The following DNAJC13 variants were observed in gnomAD, a reference collection of about 807,000 sequenced individuals.
DNAJC13 encodes DnaJ heat shock protein family (Hsp40) member C13.
In DNAJC13, 75 loss-of-function variants were observed where a neutral mutation model predicts 290.5. The observed-to-expected ratio is 0.26, with a 90% CI of 0.21 to 0.31. The LOEUF (loss-of-function observed/expected upper bound fraction) is 0.31. Among genes scored for constraint, DNAJC13 ranks in the 10% least tolerant of loss-of-function variants. The pLI, the probability that DNAJC13 is intolerant of heterozygous loss-of-function variation, is 1.00. For synonymous variants in DNAJC13, 862 were observed against 892.0 expected (o/e 0.97, Z 0.60); for missense variants, 2,260 against 2,674.5 (o/e 0.85, Z 3.42).
At chr3:132,429,450 CA>C (rs2107644813) in intron 1 of DNAJC13, among the ~76,000 whole-genome samples, 1 of 152,102 alleles carries the variant, frequency 6.6e-6, no homozygotes, top group African/African-American at 2.4e-5. Flanking sequence ...GTTTTCTTGT[CA>C]ATAAAATGAG....
At position 132,466,328 on chromosome 3, in the gene DNAJC13, C is replaced by G; in HGVS notation, c.1998C>G (p.Ser666Arg). 1 of 1,596,710 alleles carries G rather than the reference C, an allele frequency of 6.3e-7. No individual in the cohort carries two copies. Among genetic ancestry groups the G allele is most frequent in the South Asian group, 1.1e-5 (1 of 87,156 alleles). Reference protein sequence around the residue: ...LPPGLLAYLESSDLVPEKDAD... With the variant: ...LPPGLLAYLERSDLVPEKDAD... ...CAGGCTTGCTGGCATACTTGGAAAG[C>G]TCAGATCTCGTACCTGAGAAGGATG... The change falls in exon 19 of 56, where the codon AGC (serine) becomes AGG (arginine). Residue 666 changes from serine to arginine, a missense_variant. Around this residue, in one of 3 missense-constraint regions of DNAJC13, gnomAD observed 762 missense variants for 964.1 expected, o/e 0.79. Coordinates refer to ENST00000260818, the MANE Select transcript of DNAJC13 (RefSeq NM_015268.4).
rs754276059 is a variant in DNAJC13, at chr3:132,453,589, T to C, written c.745-10T>C. 6.2e-7 allele frequency: 1 copy of C among 1,601,542 alleles called. No homozygotes were observed. The highest frequency in any genetic ancestry group is 1.4e-5 in the African/African-American group (1 of 69,266). On this transcript the variant is annotated splice_polypyrimidine_tract_variant and intron_variant, in intron 7 of 55. Transcript: ENST00000260818. ...AACTTCTTAATATGTCTCAATTTTA[T>C]TTTTTGAAGGAGCCTGTTAAAAGAG...
At chr3:132,455,346 G>A (rs533417547) in intron 9 of DNAJC13, among the ~76,000 whole-genome samples, 1 of 152,322 alleles carries the variant, frequency 6.6e-6, no homozygotes, top group Non-Finnish European at 1.5e-5. Context: ...AGTGGCAGGT[G>A]TTGGCGAGGA....
chr3:132,424,043 A>G (rs889623761), intron 1 of DNAJC13, among the ~76,000 whole-genome samples: 1 of 152,168 alleles, frequency 6.6e-6, no homozygotes, highest in African/African-American at 2.4e-5. Context: ...TGCATAAGCC[A>G]GGTTATGCTT....
intron 55 of DNAJC13, 75 bp downstream of exon 55, chr3:132,531,172 C>A: frequency 1.6e-6 from 2 of 1,289,210 alleles, no homozygotes; most frequent in Non-Finnish European, 2.2e-6. Flanking sequence ...CCTAAATAGA[C>A]TTAAAATTGT....
chr3:132,450,172 A>G (rs1933378202), intron 5 of DNAJC13, among the ~76,000 whole-genome samples: 1 of 151,956 alleles, frequency 6.6e-6, no homozygotes, highest in South Asian at 2.1e-4. Context: ...TTGTATGTGG[A>G]AATAAAATAT....
chr3:132,498,408 A>G (rs1426982851), intron 36 of DNAJC13, among the ~76,000 whole-genome samples: 1 of 152,110 alleles, frequency 6.6e-6, no homozygotes, highest in Non-Finnish European at 1.5e-5. Flanking sequence ...CATATAATTG[A>G]TATTAATAGA....
chr3:132,530,513 T>G (rs757368455), intron 54 of DNAJC13, among the ~76,000 whole-genome samples: 2 of 152,242 alleles, frequency 1.3e-5, no homozygotes, highest in African/African-American at 2.4e-5. Context: ...GCTTTCTATA[T>G]TGACCAATTT....
intron 2 of DNAJC13, among the ~76,000 whole-genome samples, chr3:132,446,229 A>G (rs1047144852): frequency 4.6e-5 from 7 of 152,042 alleles, no homozygotes; most frequent in Admixed American, 1.3e-4. Context: ...GATTGCTTGC[A>G]TATAAATCAT....
chr3:132,506,698 T>G (rs748898522), intron 42 of DNAJC13, among the ~76,000 whole-genome samples: 1 of 151,696 alleles, frequency 6.6e-6, no homozygotes, highest in Non-Finnish European at 1.5e-5. Flanking sequence ...ACTACAGGCA[T>G]GTATCACCAC....
intron 20 of DNAJC13, 151 bp from the exon 21 acceptor site, chr3:132,472,994 T>G: frequency 1.6e-6 from 1 of 616,322 alleles, no homozygotes; most frequent in Admixed American, 3.4e-5. Flanking sequence ...TTTATATTCA[T>G]GTTTTATAGA....
chr3:132,534,559 C>G (rs558944625), intron 55 of DNAJC13, among the ~76,000 whole-genome samples: 1 of 152,236 alleles, frequency 6.6e-6, no homozygotes, highest in East Asian at 1.9e-4. Flanking sequence ...TCGGGAGGCT[C>G]TCTTGAGCCT....
intron 48 of DNAJC13, among the ~76,000 whole-genome samples, chr3:132,518,441 C>T (rs1365876600): frequency 1.3e-5 from 2 of 152,186 alleles, no homozygotes; most frequent in Non-Finnish European, 1.5e-5. Flanking sequence ...CAGCCTCTGT[C>T]TCCCAGACTC....
intron 55 of DNAJC13, among the ~76,000 whole-genome samples, chr3:132,537,948 G>A (rs1438055853): frequency 6.6e-6 from 1 of 152,214 alleles, no homozygotes; most frequent in East Asian, 1.9e-4. Flanking sequence ...CCACACCAGT[G>A]TTACTGTCCA....
chr3:132,511,088 A>G lies in DNAJC13; in HGVS notation c.5137A>G (p.Ser1713Gly), dbSNP rs531515209. 6 of 1,613,704 alleles carry G rather than the reference A, an allele frequency of 3.7e-6. No homozygotes were observed. In the South Asian group the frequency reaches 5.5e-5, roughly 15 times the overall value. The change falls in exon 44 of 56, where the codon AGT (serine) becomes GGT (glycine). Residue 1713 changes from serine to glycine, a missense_variant. Coordinates refer to ENST00000260818, the MANE Select transcript of DNAJC13 (RefSeq NM_015268.4). ...TTAGGTTCCAAAAGCATTTGCTGCA[A>G]GTCTCTTGGATTATATAGGCTCGCA... ...QLEVPKAFAA[S>G]LLDYIGSQAQ...
intron 25 of DNAJC13, 117 bp from the exon 26 acceptor site, chr3:132,480,252 C>G (rs890563521): frequency 8.8e-6 from 5 of 568,348 alleles, no homozygotes; most frequent in Non-Finnish European, 1.5e-5. Context: ...GGACTCCAAA[C>G]ATTCTTTTCT....
In DNAJC13 at chr3:132,473,138, G is replaced by A. The variant is rs1457468068; in HGVS notation, c.2209-7G>A. 2 of 1,603,518 alleles carry A rather than the reference G, an allele frequency of 1.2e-6. No homozygotes were observed. The highest frequency in any genetic ancestry group is 8.5e-7 in the Non-Finnish European group (1 of 1,175,260). On this transcript the variant is annotated splice_polypyrimidine_tract_variant and splice_region_variant and intron_variant, in intron 20 of 55. Coordinates refer to ENST00000260818, the MANE Select transcript of DNAJC13 (RefSeq NM_015268.4). ...ATTGAGCACTATGAAGTTTTTTTCTGTTCCAGAATATAAATCAGAAGCCAG... is the reference window on the plus strand; with the variant it reads ...ATTGAGCACTATGAAGTTTTTTTCTATTCCAGAATATAAATCAGAAGCCAG...
rs777930155 is a variant in DNAJC13, at chr3:132,522,777, T to C, written c.5674-51T>C. On this transcript the variant is annotated intron_variant, in intron 48 of 55. Transcript: ENST00000260818. ...TTATTAGCAAAATACAAACAAAATATTGAGGTGTTTCCAATAGGTGTCTTT... is the reference window on the plus strand; with the variant it reads ...TTATTAGCAAAATACAAACAAAATACTGAGGTGTTTCCAATAGGTGTCTTT... 4.2e-6 allele frequency: 6 copies of C among 1,431,036 alleles called. No individual in the cohort carries two copies. The South Asian group carries it at 5.3e-5, about 13-fold the overall frequency. The allele number at this position is 1,431,036 out of a possible 1,614,324, so 88.6% of individuals were successfully genotyped here. A position where few individuals can be genotyped will look rare whatever the true frequency, so the allele number is the denominator to read the frequency against.
At chr3:132,473,606 T>C (rs1017813955) in intron 21 of DNAJC13, among the ~76,000 whole-genome samples, 2 of 152,026 alleles carry the variant, frequency 1.3e-5, no homozygotes, top group Admixed American at 6.6e-5. Context: ...TAGGAGGACC[T>C]TCCCTCCTAT....
Sources: allele counts gnomAD v4.1 joint callset (sites outside exome capture counted in the v4.1 genomes callset), GRCh38; gene constraint gnomAD v4.1.1; regional missense constraint gnomAD v4.1.1; transcripts MANE v1.5; gene names NCBI Gene and HGNC (gene_info 2026-07-23, HGNC 2026-07-21).